The following HYDIN variants were observed in gnomAD, a reference collection of about 807,000 sequenced individuals.
HYDIN encodes the protein axonemal central pair apparatus protein HYDIN.
HYDIN carries 132 observed loss-of-function variants against 403.9 expected under a neutral mutation model. That is an observed-to-expected ratio of 0.33 (90% CI 0.28 to 0.38). The LOEUF (loss-of-function observed/expected upper bound fraction) is 0.38. HYDIN is among the 10% of genes least tolerant of loss of function. HYDIN has a pLI of 1.00. For missense variants in HYDIN, 2,827 were observed against 5,009.5 expected (o/e 0.56, Z 13.15); for synonymous variants, 1,202 against 1,891.7 (o/e 0.64, Z 9.46).
intron 23 of HYDIN, among the ~76,000 whole-genome samples, chr16:71,011,250 T>A (rs1405053918): frequency 6.6e-6 from 1 of 152,054 alleles, no homozygotes; most frequent in East Asian, 1.9e-4. Flanking sequence ...TACACTTCAT[T>A]TAATCCTCAC....
At chr16:70,973,176 G>A (rs958481627) in intron 35 of HYDIN, among the ~76,000 whole-genome samples, 167 bp downstream of exon 35, 1 of 152,206 alleles carries the variant, frequency 6.6e-6, no homozygotes, top group African/African-American at 2.4e-5. Flanking sequence ...CAGACCACCA[G>A]GCCACACAGC....
rs1238715739 is a variant in HYDIN, at chr16:71,015,381, T to C, written c.3644+2748A>G. On this transcript the variant is annotated intron_variant, in intron 23 of 85. Coordinates refer to ENST00000393567, the MANE Select transcript of HYDIN (RefSeq NM_001270974.2). Reference sequence around the variant, plus strand: ...TTTCAAAAGTTCATCCCTTTAATTATGAAAGTAGCCTCTCAAAAATAAAAA... The same window carrying C: ...TTTCAAAAGTTCATCCCTTTAATTACGAAAGTAGCCTCTCAAAAATAAAAA... Among the ~76,000 whole-genome samples the C allele has an allele frequency of 4.6e-5, 7 of 151,594 alleles. No individual in the cohort carries two copies. The East Asian group carries it at 1.2e-3, about 25-fold the overall frequency.
chr16:71,186,581 T>C (rs2087161842), intron 2 of HYDIN, among the ~76,000 whole-genome samples, 180 bp downstream of exon 2: 1 of 152,144 alleles, frequency 6.6e-6, no homozygotes, highest in Non-Finnish European at 1.5e-5. Context: ...ATGTATGCAA[T>C]TTCAAAACTT....
Position 70,878,076 on chromosome 16 carries a change from C to T in HYDIN, c.10557+1221G>A, listed in dbSNP as rs536419924. ...ATCTTGAATTGTAGCTCCCATAACT[C>T]CCACGTGTTGCGGGAGGGACCTGGT... On this transcript the variant is annotated intron_variant, in intron 62 of 85. Coordinates refer to ENST00000393567, the MANE Select transcript of HYDIN (RefSeq NM_001270974.2). 2.0e-5 allele frequency among the ~76,000 whole-genome samples: 3 copies of T among 152,242 alleles called. No individual in the cohort carries two copies. In the East Asian group the frequency reaches 5.8e-4, roughly 29 times the overall value.
chr16:71,182,504 TAGAG>T (rs1211892846), intron 3 of HYDIN, among the ~76,000 whole-genome samples: 2 of 152,016 alleles, frequency 1.3e-5, no homozygotes, highest in African/African-American at 2.4e-5. Context: ...AGATGTAAAA[TAGAG>T]AGGCATCAGG....
At chr16:70,934,474 A>T (rs1021495996) in intron 45 of HYDIN, among the ~76,000 whole-genome samples, 6 of 152,156 alleles carry the variant, frequency 3.9e-5, no homozygotes, top group Non-Finnish European at 8.8e-5. Context: ...GGAAGCAGGA[A>T]GGTCTTTAGT....
intron 78 of HYDIN, 41 bp from the exon 79 acceptor site, chr16:70,834,205 A>C: frequency 6.4e-7 from 1 of 1,554,618 alleles, no homozygotes; most frequent in South Asian, 1.2e-5. Context: ...TGAGGGTGGG[A>C]GGCCCCTAAG....
intron 58 of HYDIN, among the ~76,000 whole-genome samples, chr16:70,887,007 C>T (rs2041179670): frequency 6.6e-6 from 1 of 152,148 alleles, no homozygotes; most frequent in Non-Finnish European, 1.5e-5. Context: ...TTTTGTAACT[C>T]TTTCTGGAAC....
At chr16:70,963,871 GT>G (rs1389196572) in intron 37 of HYDIN, among the ~76,000 whole-genome samples, 1 of 148,878 alleles carries the variant, frequency 6.7e-6, no homozygotes, top group Non-Finnish European at 1.5e-5. Context: ...CCATGCACTA[GT>G]TTTACACATG....
At chr16:70,957,582 C>G (rs1290945241) in intron 39 of HYDIN, among the ~76,000 whole-genome samples, 1 of 151,860 alleles carries the variant, frequency 6.6e-6, no homozygotes, top group Non-Finnish European at 1.5e-5. Context: ...ACCTCAGCCT[C>G]CCAAAGTGCT....
At chr16:71,116,227 G>GA (rs2084021932) in intron 9 of HYDIN, among the ~76,000 whole-genome samples, 1 of 117,938 alleles carries the variant, frequency 8.5e-6, no homozygotes, top group South Asian at 3.0e-4. Context: ...CTATGAGTTA[G>GA]ACCTTTTTTT....
At chr16:71,097,917 T>C (rs2083321534) in intron 10 of HYDIN, among the ~76,000 whole-genome samples, 1 of 152,208 alleles carries the variant, frequency 6.6e-6, no homozygotes, top group African/African-American at 2.4e-5. Context: ...TGACATTTTA[T>C]GTTCCACTGT....
At chr16:70,969,656 A>G (rs1567924211) in intron 36 of HYDIN, among the ~76,000 whole-genome samples, 1 of 152,224 alleles carries the variant, frequency 6.6e-6, no homozygotes, top group African/African-American at 2.4e-5. Context: ...AAAGTTAATA[A>G]TAAAAGAAGA....
intron 11 of HYDIN, among the ~76,000 whole-genome samples, chr16:71,089,145 C>T (rs2083025127): frequency 6.7e-6 from 1 of 150,304 alleles, no homozygotes; most frequent in Admixed American, 6.7e-5. Flanking sequence ...AAAAGTTGTA[C>T]TCCTATATTC....
chr16:70,831,482 C>T (rs1397005107), intron 80 of HYDIN, among the ~76,000 whole-genome samples: 1 of 137,676 alleles, frequency 7.3e-6, no homozygotes, highest in African/African-American at 2.7e-5. Context: ...GCACTCCAGC[C>T]TGGGGAACAG....
At chr16:71,156,576 G>T (rs1374514418) in intron 6 of HYDIN, among the ~76,000 whole-genome samples, 41 of 152,206 alleles carry the variant, frequency 2.7e-4, no homozygotes, top group Admixed American at 2.0e-4. Flanking sequence ...GAGGGAGTTT[G>T]GTTTTGTGAA....
chr16:70,963,335 C>T (rs1291765255), intron 37 of HYDIN, among the ~76,000 whole-genome samples: 4 of 145,474 alleles, frequency 2.7e-5, no homozygotes, highest in South Asian at 2.3e-4. Context: ...TCCTAACACC[C>T]GAGTATCTCA....
chr16:70,836,248 C>T (rs2037418054), intron 77 of HYDIN, among the ~76,000 whole-genome samples: 1 of 152,218 alleles, frequency 6.6e-6, no homozygotes, highest in Non-Finnish European at 1.5e-5. Context: ...TGTGGCCAGG[C>T]CCTGAGCCAG....
chr16:71,005,583 C>G (rs1228023725), intron 23 of HYDIN, among the ~76,000 whole-genome samples: 3 of 152,198 alleles, frequency 2.0e-5, no homozygotes, highest in East Asian at 1.9e-4. Flanking sequence ...GTTACGGCAG[C>G]CTGAGCTCAG....
Sources: gnomAD v4.1 joint callset for allele counts (sites outside exome capture counted in the v4.1 genomes callset) on GRCh38, gnomAD v4.1.1 for gene constraint, MANE v1.5 for transcripts, NCBI Gene and HGNC (gene_info 2026-07-23, HGNC 2026-07-21) for gene names.